Variants in SPZ1 observed in about 807,000 individuals in gnomAD.
SPZ1 encodes spermatogenic leucine zipper 1, also known as spermatogenic leucine zipper protein 1.
For synonymous variants in SPZ1, 160 were observed against 167.6 expected, an observed-to-expected ratio of 0.95 and a Z score of 0.35; for missense variants, 408 against 486.2, an observed-to-expected ratio of 0.84 and a Z score of 1.51.
In SPZ1 at chr5:80,321,306, A is replaced by C; in HGVS notation, c.1091A>C (p.Asn364Thr). The change falls in exon 1 of 1, where the codon AAT becomes ACT. Residue 364 changes from asparagine (N) to threonine (T), a missense_variant. Asn to Thr is a moderately conservative substitution (Grantham distance 65). Transcript: ENST00000296739. ...IQINYKQDKK[N>T]QKPSEAKKVE... ...ATAAACTATAAACAGGACAAGAAAA[A>C]TCAGAAGCCATCAGAAGCAAAGAAA... is the stretch of plus-strand genomic sequence containing the variant. 6.2e-7 allele frequency: 1 copy of C among 1,610,072 alleles called. No individual in the cohort carries two copies. The highest frequency in any genetic ancestry group is 8.5e-7 in the Non-Finnish European group (1 of 1,179,132).
rs372172670 is a variant in SPZ1, at chr5:80,320,911, C to T, written c.696C>T (p.Asn232=). The change falls in exon 1 of 1, where the codon AAC becomes AAT. Residue 232 remains asparagine (N), a synonymous_variant. Coordinates refer to ENST00000296739, the MANE Select transcript of SPZ1 (RefSeq NM_032567.4). ...ETQQSQEKAK[N]RLNVQEETMK... The stretch of plus-strand genomic sequence containing the variant: ...AACAAAGTCAGGAAAAAGCAAAAAA[C>T]AGACTTAATGTTCAAGAAGAAACTA... The T allele has an allele frequency of 1.2e-6, 2 of 1,609,482 alleles. No homozygotes were observed.
Position 80,320,885 on chromosome 5 carries a change from C to A in SPZ1, c.670C>A (p.Gln224Lys). ...LEEKKVLNET[Q>K]QSQEKAKNRL... ...AGAAAAAAAAGTCCTTAACGAAACT[C>A]AACAAAGTCAGGAAAAAGCAAAAAA... Residue 224 changes from glutamine to lysine, a missense_variant, in exon 1 of 1, where the codon CAA becomes AAA. Gln to Lys is a moderately conservative substitution (Grantham distance 53, BLOSUM62 1). Coordinates refer to ENST00000296739, the MANE Select transcript of SPZ1 (RefSeq NM_032567.4). The A allele has an allele frequency of 6.2e-7, 1 of 1,610,682 alleles. No homozygotes were observed. The highest frequency in any genetic ancestry group is 8.5e-7 in the Non-Finnish European group (1 of 1,179,354).
rs1047855647 is a variant in SPZ1, at chr5:80,321,559, T to A, written c.*51T>A. The A allele has an allele frequency of 2.9e-6, 4 of 1,386,518 alleles. No homozygotes were observed. The highest frequency in any genetic ancestry group is 3.9e-6 in the Non-Finnish European group (4 of 1,021,370). The allele number at this position is 1,386,518 out of a possible 1,614,324, so 85.9% of individuals were successfully genotyped here. On this transcript the variant is annotated 3_prime_UTR_variant, in exon 1 of 1. Coordinates refer to ENST00000296739, the MANE Select transcript of SPZ1 (RefSeq NM_032567.4). Reference sequence around the variant, plus strand: ...TGAATCCTTAAAAAACTACATCTGTTACCTCCAACTTGTCAGTCATGATCA... The same window carrying A: ...TGAATCCTTAAAAAACTACATCTGTAACCTCCAACTTGTCAGTCATGATCA...
rs1410410120 is a variant in SPZ1, at chr5:80,321,505, A to G, written c.1290A>G (p.Arg430=). Residue 430 remains arginine (R), a synonymous_variant, in exon 1 of 1, where the codon AGA becomes AGG. Transcript: ENST00000296739. ...RGKMRSASSL[R] ...AAATGAGGTCAGCTAGCAGCCTAAG[A>G]TAGAAAATACCAAAAGCAGATGAAA... The G allele has an allele frequency of 6.4e-7, 1 of 1,564,448 alleles. No homozygotes were observed. The highest frequency in any genetic ancestry group is 1.2e-5 in the South Asian group (1 of 82,438).
Position 80,320,489 on chromosome 5 carries a change from G to T in SPZ1, c.274G>T (p.Glu92Ter). ...GGCAGGTTTTGAAGAGAAGATCACA[G>T]AAGCAAAAGAACTTTTTGAGGAAAC... Residue 92 changes from glutamate (E) to a stop codon, truncating the protein, a stop_gained, in exon 2 of 2, where the codon GAA becomes TAA. Coordinates refer to the SPZ1 transcript ENST00000511881. LOFTEE classifies it low-confidence loss of function (END_TRUNC). 1 of 1,613,996 alleles carries T rather than the reference G, an allele frequency of 6.2e-7. No homozygotes were observed. The highest frequency in any genetic ancestry group is 8.5e-7 in the Non-Finnish European group (1 of 1,180,036).
In SPZ1 at chr5:80,321,506, T is replaced by C; in HGVS notation, c.1291T>C (p.Ter431GlnextTer12). The change falls in exon 1 of 1, where the codon TAG becomes CAG. Residue 431 changes from the stop codon to glutamine, a stop_lost. Transcript: ENST00000296739. ...GKMRSASSLR[*>Q] ...AATGAGGTCAGCTAGCAGCCTAAGA[T>C]AGAAAATACCAAAAGCAGATGAAAA... The C allele has an allele frequency of 6.4e-7, 1 of 1,563,270 alleles. No homozygotes were observed. The highest frequency in any genetic ancestry group is 1.2e-5 in the South Asian group (1 of 82,258).
chr5:80,321,214 G>GA, downstream of SPZ1: 2 of 1,613,984 alleles, frequency 1.2e-6, no homozygotes, highest in Non-Finnish European at 1.7e-6. Flanking sequence ...TCTTACAGCA[G>GA]AGAGTAGAGA....
At position 80,320,403 on chromosome 5, in the gene SPZ1, A is replaced by C. The variant is rs200204237; in HGVS notation, c.188A>C (p.Gln63Pro). 38 of 1,614,188 alleles carry C rather than the reference A, an allele frequency of 2.4e-5. No individual in the cohort carries two copies. Among genetic ancestry groups the C allele is most frequent in the Middle Eastern group, 3.3e-4 (2 of 6,060 alleles). The change falls in exon 1 of 1, where the codon CAA (glutamine) becomes CCA (proline). Residue 63 changes from glutamine (Q) to proline (P), a missense_variant. Gln to Pro is a moderately conservative substitution (Grantham distance 76). Transcript: ENST00000296739. ...LKNSSHQVTE[Q>P]QTAQKFNNLL... Reference sequence around the variant, plus strand: ...AATAGCAGCCATCAAGTTACAGAACAACAGACTGCACAGAAGTTTAACAAT... The same window carrying C: ...AATAGCAGCCATCAAGTTACAGAACCACAGACTGCACAGAAGTTTAACAAT...
In SPZ1 at chr5:80,321,628, G is replaced by A; in HGVS notation, c.*120G>A. On this transcript the variant is annotated 3_prime_UTR_variant, in exon 1 of 1. Transcript: ENST00000296739. The stretch of plus-strand genomic sequence containing the variant: ...GATCTGCTGGTTCAACCAAGAAAGA[G>A]CTATAGAATAAGGAGATTGACACTT... 1 of 717,008 alleles carries A rather than the reference G, an allele frequency of 1.4e-6. No homozygotes were observed. Among genetic ancestry groups the A allele is most frequent in the Non-Finnish European group, 2.3e-6 (1 of 443,174 alleles). The allele number at this position is 717,008 out of a possible 1,614,324, so 44.4% of individuals were successfully genotyped here.
At chr5:80,321,167 C>T, downstream of SPZ1, 2 of 1,613,918 alleles carry the variant, frequency 1.2e-6, no homozygotes, top group Non-Finnish European at 1.7e-6. Context: ...CTATTCATTG[C>T]AGTTGATGGC....
At position 80,320,049 on chromosome 5, in the gene SPZ1, GCTGT is replaced by G; in HGVS notation, c.-163_-160del. On this transcript the variant is annotated 5_prime_UTR_variant, in exon 1 of 1. It removes the in-frame stop codon of an upstream open reading frame in the 5' UTR. Transcript: ENST00000296739. ...CTTTCCCACCCTTCCTCCCCACAAGGCTGTCTGAGATGCCACCTTCCACCTAAAC... is the reference window on the plus strand; with the variant it reads ...CTTTCCCACCCTTCCTCCCCACAAGGCTGAGATGCCACCTTCCACCTAAAC... 6.7e-6 allele frequency: 4 copies of G among 593,228 alleles called. No homozygotes were observed. Among genetic ancestry groups the G allele is most frequent in the Non-Finnish European group, 1.2e-5 (4 of 342,664 alleles). 36.7% of individuals were successfully genotyped at this position (593,228 alleles called of 1,614,324 possible).
At position 80,321,580 on chromosome 5, in the gene SPZ1, G is replaced by T; in HGVS notation, c.*72G>T. ...CTGTTACCTCCAACTTGTCAGTCAT[G>T]ATCAATCATCAAACCTTGGGCAGAT... On this transcript the variant is annotated 3_prime_UTR_variant, in exon 1 of 1. Coordinates refer to ENST00000296739, the MANE Select transcript of SPZ1 (RefSeq NM_032567.4). The T allele has an allele frequency of 8.0e-7, 1 of 1,244,788 alleles. No homozygotes were observed. The highest frequency in any genetic ancestry group is 1.6e-5 in the South Asian group (1 of 64,136). The allele number at this position is 1,244,788 out of a possible 1,614,324, so 77.1% of individuals were successfully genotyped here.
rs79191998 is a variant in SPZ1, at chr5:80,320,282, C to G, written c.67C>G (p.Pro23Ala). The change falls in exon 1 of 1, where the codon CCT becomes GCT. Residue 23 changes from proline (P) to alanine (A), a missense_variant. Pro to Ala is a conservative substitution (Grantham distance 27). Transcript: ENST00000296739. ...CAAAACCGTTAACCCTACTCCTGAT[C>G]CTCATCAAGAATATCTGGACCCTAG... ...ISKTVNPTPD[P>A]HQEYLDPRIT... is the part of the protein sequence containing the mutation. 4.3e-6 allele frequency: 7 copies of G among 1,613,786 alleles called. No homozygotes were observed. The East Asian group carries it at 1.1e-4, about 26-fold the overall frequency.
Position 80,320,884 on chromosome 5 carries a change from T to C in SPZ1, c.669T>C (p.Thr223=). Residue 223 remains threonine (T), a synonymous_variant, in exon 1 of 1, where the codon ACT becomes ACC. Transcript: ENST00000296739. ...AAGAAAAAAAAGTCCTTAACGAAAC[T>C]CAACAAAGTCAGGAAAAAGCAAAAA... is the stretch of plus-strand genomic sequence containing the variant. ...RLEEKKVLNE[T]QQSQEKAKNR... 6.2e-7 allele frequency: 1 copy of C among 1,609,702 alleles called. No homozygotes were observed. The highest frequency in any genetic ancestry group is 1.1e-5 in the South Asian group (1 of 89,428).
Position 80,321,537 on chromosome 5 carries a change from A to G in SPZ1, c.*29A>G. The G allele has an allele frequency of 1.3e-6, 2 of 1,517,178 alleles. No homozygotes were observed. Among genetic ancestry groups the G allele is most frequent in the Non-Finnish European group, 1.8e-6 (2 of 1,132,738 alleles). The allele number at this position is 1,517,178 out of a possible 1,614,324, so 94.0% of individuals were successfully genotyped here. A position where few individuals can be genotyped will look rare whatever the true frequency, so the allele number is the denominator to read the frequency against. ...ATACCAAAAGCAGATGAAAAGGTGA[A>G]TCCTTAAAAAACTACATCTGTTACC... On this transcript the variant is annotated 3_prime_UTR_variant, in exon 1 of 1. Coordinates refer to ENST00000296739, the MANE Select transcript of SPZ1 (RefSeq NM_032567.4).
chr5:80,320,982 A>G lies in SPZ1; in HGVS notation c.767A>G (p.His256Arg). 2.5e-6 allele frequency: 4 copies of G among 1,614,162 alleles called. No homozygotes were observed. The highest frequency in any genetic ancestry group is 1.3e-5 in the African/African-American group (1 of 75,068). Residue 256 changes from histidine (H) to arginine (R), a missense_variant, in exon 1 of 1, where the codon CAC (histidine) becomes CGC (arginine). Coordinates refer to ENST00000296739, the MANE Select transcript of SPZ1 (RefSeq NM_032567.4). Reference protein sequence around the residue: ...NMEQLLQEAEHWSKQHTELSK... With the variant: ...NMEQLLQEAERWSKQHTELSK... ...GAGCAGTTACTACAGGAAGCAGAAC[A>G]CTGGAGTAAACAACATACTGAGCTC... is the stretch of plus-strand genomic sequence containing the variant.
rs765264926 is a variant in SPZ1, at chr5:80,320,867, A to G, written c.652A>G (p.Lys218Glu). The change falls in exon 1 of 1, where the codon AAA becomes GAA. Residue 218 changes from lysine (K) to glutamate (E), a missense_variant. By Grantham distance (56) the Lys-to-Glu change is moderately conservative. Coordinates refer to ENST00000296739, the MANE Select transcript of SPZ1 (RefSeq NM_032567.4). ...TTTGGTAAATCGTTTAGAAGAAAAA[A>G]AAGTCCTTAACGAAACTCAACAAAG... ...RDLVNRLEEK[K>E]VLNETQQSQE... 1.2e-6 allele frequency: 2 copies of G among 1,613,178 alleles called. No individual in the cohort carries two copies. The highest frequency in any genetic ancestry group is 1.3e-5 in the African/African-American group (1 of 74,838).
In SPZ1 at chr5:80,320,437, A is replaced by C; in HGVS notation, c.222A>C (p.Lys74Asn). ...QTAQKFNNLLKEIKDILKNMA... is the reference protein window; with the variant it reads ...QTAQKFNNLLNEIKDILKNMA... ...CACAGAAGTTTAACAATCTCTTAAA[A>C]GAAATTAAAGATATTCTTAAAAATA... The change falls in exon 1 of 1, where the codon AAA (lysine) becomes AAC (asparagine). Residue 74 changes from lysine to asparagine, a missense_variant. By Grantham distance (94) the Lys-to-Asn change is moderately conservative. Transcript: ENST00000296739. 6.2e-7 allele frequency: 1 copy of C among 1,613,132 alleles called. No homozygotes were observed. Among genetic ancestry groups the C allele is most frequent in the Non-Finnish European group, 8.5e-7 (1 of 1,179,732 alleles).
rs151102391 is a variant in SPZ1, at chr5:80,321,255, G to A, written c.1040G>A (p.Gly347Glu). The A allele has an allele frequency of 1.2e-6, 2 of 1,613,442 alleles. No homozygotes were observed. The highest frequency in any genetic ancestry group is 1.7e-4 in the Middle Eastern group (1 of 6,060). ...AAGGAACTCCATCATCAGAAACAGG[G>A]AACTCTGCAAGAGAAGCCAATTCAG... ...ILKELHHQKQ[G>E]TLQEKPIQIN... The change falls in exon 1 of 1, where the codon GGA becomes GAA. Residue 347 changes from glycine (G) to glutamate (E), a missense_variant. By Grantham distance (98) the Gly-to-Glu change is moderately conservative (BLOSUM62 -2). Transcript: ENST00000296739.
Sources: allele counts gnomAD v4.1 joint callset, GRCh38; gene constraint gnomAD v4.1.1; transcripts MANE v1.5; gene names NCBI Gene and HGNC (gene_info 2026-07-23, HGNC 2026-07-21).